Variants in TANGO6 observed in about 807,000 individuals in gnomAD.
The protein encoded by TANGO6 is transport and Golgi organization protein 6 homolog.
Under a neutral mutation model 114.2 loss-of-function variants are expected in TANGO6, and 90 were observed. The ratio of observed to expected loss-of-function variants is 0.79; its 90% CI spans 0.66 to 0.94. The LOEUF (loss-of-function observed/expected upper bound fraction) is 0.94. TANGO6 is among the 40% of genes least tolerant of loss of function. The pLI, the probability that TANGO6 is intolerant of heterozygous loss-of-function variation, is 0.00. For missense variants in TANGO6, 1,274 were observed against 1,315.3 expected (o/e 0.97, Z 0.49); for synonymous variants, 477 against 509.8 (o/e 0.94, Z 0.87).
intron 15 of TANGO6, among the ~76,000 whole-genome samples, chr16:68,975,386 C>CT (rs879895723): frequency 2.8e-3 from 399 of 144,104 alleles, no homozygotes; most frequent in Middle Eastern, 0.011. Flanking sequence ...AACTGCCGCG[C>CT]TTTTTTTTTT....
rs191102769 is a variant in TANGO6 at position 69,075,286 on chromosome 16, T to C, written c.3109-8199T>C. On this transcript the variant is annotated intron_variant, in intron 17 of 17. Transcript: ENST00000261778. Reference sequence around the variant, plus strand: ...GTTAAATTATTAGCATGAATTTTACTGTTCATCTTTACATTGTGCAATGCC... The same window carrying C: ...GTTAAATTATTAGCATGAATTTTACCGTTCATCTTTACATTGTGCAATGCC... 2.3e-3 allele frequency among the ~76,000 whole-genome samples: 351 copies of C among 152,210 alleles called. 1 individual carries two copies. Among genetic ancestry groups the C allele is most frequent in the Non-Finnish European group, 3.9e-3 (263 of 68,024 alleles).
At position 68,900,499 on chromosome 16, in the gene TANGO6, G is replaced by T; in HGVS notation, c.1443G>T (p.Val481=). The T allele has an allele frequency of 6.2e-7, 1 of 1,613,958 alleles. No homozygotes were observed. The highest frequency in any genetic ancestry group is 1.1e-5 in the South Asian group (1 of 91,084). ...LMDSLLPVLG[V]LFLLYCFTKQ... ...ATTCCCTGCTTCCAGTCCTGGGAGT[G>T]CTTTTTCTTCTCTACTGTTTTACTA... is the stretch of plus-strand genomic sequence containing the variant. Residue 481 remains valine (V), a synonymous_variant, in exon 8 of 18, where the codon GTG becomes GTT. Transcript: ENST00000261778.
At chr16:68,930,635 C>CT (rs35493432) in intron 14 of TANGO6, among the ~76,000 whole-genome samples, 7,152 of 134,110 alleles carry the variant, frequency 0.053, 622 homozygotes, top group African/African-American at 0.17. Flanking sequence ...CGGCTACTGT[C>CT]TTTTTTTTTT....
chr16:68,854,634 T>C (rs1961956675), intron 1 of TANGO6, among the ~76,000 whole-genome samples: 1 of 151,860 alleles, frequency 6.6e-6, no homozygotes, highest in Non-Finnish European at 1.5e-5. Context: ...TTTTTTTTTT[T>C]TCCCCATGTG....
intron 4 of TANGO6, among the ~76,000 whole-genome samples, chr16:68,870,973 T>G (rs1236300814): frequency 6.6e-6 from 1 of 150,514 alleles, no homozygotes; most frequent in East Asian, 2.0e-4. Flanking sequence ...GTATTTTTAG[T>G]AGAGACAGGG....
chr16:69,072,646 TAC>T (rs919296421), intron 17 of TANGO6, among the ~76,000 whole-genome samples: 1 of 152,124 alleles, frequency 6.6e-6, no homozygotes, highest in African/African-American at 2.4e-5. Flanking sequence ...AGAAGCTCTA[TAC>T]CAGGATGGGT....
chr16:68,982,852 A>C (rs1008466908), intron 15 of TANGO6, among the ~76,000 whole-genome samples: 6 of 151,872 alleles, frequency 4.0e-5, no homozygotes, highest in Non-Finnish European at 8.8e-5. Context: ...CATAAAATGA[A>C]GTATATTTTT....
intron 12 of TANGO6, 107 bp downstream of exon 12, chr16:68,919,326 A>T (rs1963056317): frequency 1.5e-6 from 2 of 1,357,636 alleles, no homozygotes; most frequent in Non-Finnish European, 2.0e-6. Flanking sequence ...TATTGTACAT[A>T]GGAGAACCTA....
At chr16:68,928,115 C>CA in intron 13 of TANGO6, 32 bp downstream of exon 13, 1 of 1,529,360 alleles carries the variant, frequency 6.5e-7, no homozygotes, top group Non-Finnish European at 8.8e-7. Flanking sequence ...GACACATGGG[C>CA]ACAGGGTGGG....
At chr16:69,048,968 G>C (rs1423025290) in intron 17 of TANGO6, among the ~76,000 whole-genome samples, 2 of 152,122 alleles carry the variant, frequency 1.3e-5, no homozygotes, top group Non-Finnish European at 2.9e-5. Context: ...CCGGCCTTCT[G>C]CAAGGCTGCT....
chr16:69,051,500 T>G (rs1959947676), intron 17 of TANGO6, among the ~76,000 whole-genome samples: 1 of 152,138 alleles, frequency 6.6e-6, no homozygotes, highest in African/African-American at 2.4e-5. Flanking sequence ...ATGGCCAACA[T>G]GGTGAAACCC....
intron 15 of TANGO6, among the ~76,000 whole-genome samples, chr16:68,975,947 A>G (rs960386431): frequency 1.3e-5 from 2 of 151,530 alleles, no homozygotes; most frequent in African/African-American, 2.4e-5. Context: ...TGTTGTTGTT[A>G]TTTTTGCAAC....
intron 16 of TANGO6, among the ~76,000 whole-genome samples, chr16:69,024,988 A>G (rs2152228916): frequency 6.6e-6 from 1 of 152,120 alleles, no homozygotes; most frequent in East Asian, 1.9e-4. Flanking sequence ...TTGTATTTTT[A>G]GTAGAGACAG....
chr16:68,896,953 G>T (rs1291404107), intron 7 of TANGO6, among the ~76,000 whole-genome samples: 2 of 151,944 alleles, frequency 1.3e-5, no homozygotes, highest in East Asian at 1.9e-4. Context: ...GCCCAGGCTG[G>T]AGTGCAATGG....
intron 2 of TANGO6, among the ~76,000 whole-genome samples, chr16:68,861,115 A>C (rs1371334438): frequency 6.6e-6 from 1 of 152,192 alleles, no homozygotes; most frequent in Non-Finnish European, 1.5e-5. Flanking sequence ...TAGACACATA[A>C]GACATGGTCC....
In TANGO6 at chr16:68,867,146, A is replaced by C. The variant is rs747138824; in HGVS notation, c.920A>C (p.Gln307Pro). The change falls in exon 4 of 18, where the codon CAG becomes CCG. Residue 307 changes from glutamine to proline, a missense_variant. By Grantham distance (76) the Gln-to-Pro change is moderately conservative (BLOSUM62 -1). Around this residue, in one of 5 missense-constraint regions of TANGO6, gnomAD observed 908 missense variants for 910.2 expected, o/e 1.00. Coordinates refer to ENST00000261778, the MANE Select transcript of TANGO6 (RefSeq NM_024562.2). ...APAWLRRLCG[Q>P]LLSERLMRPN... ...GCTTGGCTTCGGCGTCTATGTGGAC[A>C]GCTGCTCTCTGAAAGGTTAATGAGA... is the stretch of plus-strand genomic sequence containing the variant. 19 of 1,613,974 alleles carry C rather than the reference A, an allele frequency of 1.2e-5. No individual in the cohort carries two copies. The highest frequency in any genetic ancestry group is 1.5e-5 in the Non-Finnish European group (18 of 1,179,878).
chr16:69,023,901 TTTATTA>T (rs895612578), intron 16 of TANGO6, among the ~76,000 whole-genome samples: 1 of 151,778 alleles, frequency 6.6e-6, no homozygotes, highest in Non-Finnish European at 1.5e-5. Context: ...TTTAGAGTTT[TTTATTA>T]TTATTATTAT....
Position 68,891,383 on chromosome 16 carries a change from C to T in TANGO6, c.1378-9051C>T, listed in dbSNP as rs898350584. On this transcript the variant is annotated intron_variant, in intron 7 of 17. Transcript: ENST00000261778. ...GATGAGGCAGGAGAATCACCTGAAC[C>T]GGGGAGGCGGAGGTTGCAGTGAGCC... is the stretch of plus-strand genomic sequence containing the variant. Among the ~76,000 whole-genome samples the T allele has an allele frequency of 3.3e-5, 5 of 150,256 alleles. No homozygotes were observed. In the East Asian group the frequency reaches 6.1e-4, roughly 18 times the overall value.
At chr16:69,042,945 C>T (rs1320513188) in intron 17 of TANGO6, among the ~76,000 whole-genome samples, 2 of 152,114 alleles carry the variant, frequency 1.3e-5, no homozygotes, top group Non-Finnish European at 2.9e-5. Context: ...ACAAGTTGGT[C>T]GGGTGCAGTG....
Sources: allele counts gnomAD v4.1 joint callset (sites outside exome capture counted in the v4.1 genomes callset), GRCh38; gene constraint gnomAD v4.1.1; regional missense constraint gnomAD v4.1.1; transcripts MANE v1.5; gene names NCBI Gene and HGNC (gene_info 2026-07-23, HGNC 2026-07-21).